The following SLC5A2 variants were observed in gnomAD, a reference collection of about 807,000 sequenced individuals.
SLC5A2 encodes the protein solute carrier family 5 member 2.
In SLC5A2, 67 loss-of-function variants were observed where a neutral mutation model predicts 69.0. That is an observed-to-expected ratio of 0.97 (90% CI 0.80 to 1.19). The LOEUF is 1.19. Among genes scored for constraint, SLC5A2 ranks in the 50% most tolerant of loss-of-function variants. SLC5A2 has a pLI of 0.00. For synonymous variants in SLC5A2, 455 were observed against 395.8 expected (o/e 1.15, Z -1.78); for missense variants, 1,001 against 921.5 (o/e 1.09, Z -1.12).
At position 31,490,576 on chromosome 16, in the gene SLC5A2, A is replaced by C; in HGVS notation, c.*41A>C. The C allele has an allele frequency of 6.6e-7, 1 of 1,512,104 alleles. No individual in the cohort carries two copies. Among genetic ancestry groups the C allele is most frequent in the Non-Finnish European group, 9.1e-7 (1 of 1,098,860 alleles). The allele number at this position is 1,512,104 out of a possible 1,614,324, so 93.7% of individuals were successfully genotyped here. A position where few individuals can be genotyped will look rare whatever the true frequency, so the allele number is the denominator to read the frequency against. Reference sequence around the variant, plus strand: ...ACACCATAAGCCACAGCCTCACAGGAAGTGGGGGTGAGGAGCCTGCGGTGC... The same window carrying C: ...ACACCATAAGCCACAGCCTCACAGGCAGTGGGGGTGAGGAGCCTGCGGTGC... On this transcript the variant is annotated 3_prime_UTR_variant, in exon 14 of 14. Coordinates refer to ENST00000330498, the MANE Select transcript of SLC5A2 (RefSeq NM_003041.4).
rs768922655 is a variant in SLC5A2, at chr16:31,483,140, G to A, written c.4G>A (p.Glu2Lys). The A allele has an allele frequency of 6.2e-6, 10 of 1,614,016 alleles. No individual in the cohort carries two copies. The African/African-American group carries it at 1.2e-4, about 19-fold the overall frequency. ...GATGGGGCAGATCCTGGGGAGAATG[G>A]AGGAGCACACAGAGGCAGGCTCGGC... M[E>K]EHTEAGSAPE... is the part of the protein sequence containing the mutation. The change falls in exon 1 of 14, where the codon GAG becomes AAG. Residue 2 changes from glutamate to lysine, a missense_variant. Transcript: ENST00000330498.
At chr16:31,485,213 C>A in intron 3 of SLC5A2, 1 of 554,108 alleles carries the variant, frequency 1.8e-6, no homozygotes, top group Non-Finnish European at 3.2e-6. Context: ...AGCCTCAAAG[C>A]CAGGGAAGCA....
chr16:31,485,205 C>T, intron 3 of SLC5A2: 1 of 563,044 alleles, frequency 1.8e-6, no homozygotes. Context: ...GGGTGAGCAG[C>T]CTCAAAGCCA....
At position 31,488,491 on chromosome 16, in the gene SLC5A2, G is replaced by T; in HGVS notation, c.1129+1G>T. 6.2e-7 allele frequency: 1 copy of T among 1,607,000 alleles called. No homozygotes were observed. The highest frequency in any genetic ancestry group is 8.5e-7 in the Non-Finnish European group (1 of 1,178,024). The stretch of plus-strand genomic sequence containing the variant: ...CTCGTCGTGAAGCTCATGCCCAACG[G>T]TAAGGGCAGCCCCGGGCCACAGGCG... On this transcript the variant is annotated splice_donor_variant, in intron 9 of 13. Coordinates refer to ENST00000330498, the MANE Select transcript of SLC5A2 (RefSeq NM_003041.4). LOFTEE classifies it high-confidence loss of function.
rs2082486592 is a variant in SLC5A2 at position 31,485,302 on chromosome 16, A to G, written c.303+379A>G. ...AAAGCCCTTTGCAGAAGAGAGGAGC[A>G]GAGACAAAGCTCTGGGACTGAGGCT... On this transcript the variant is annotated intron_variant, in intron 3 of 13. Coordinates refer to ENST00000330498, the MANE Select transcript of SLC5A2 (RefSeq NM_003041.4). The G allele has an allele frequency of 6.7e-6, 3 of 448,358 alleles. No homozygotes were observed. The Admixed American group carries it at 1.0e-4, about 16-fold the overall frequency. 27.8% of individuals were successfully genotyped at this position (448,358 alleles called of 1,614,324 possible).
rs2082490708 is a variant in SLC5A2, at chr16:31,485,828, G to A, written c.403G>A (p.Gly135Ser). 9.9e-6 allele frequency: 16 copies of A among 1,613,160 alleles called. No homozygotes were observed. Among genetic ancestry groups the A allele is most frequent in the East Asian group, 2.2e-5 (1 of 44,868 alleles). Reference protein sequence around the residue: ...MPQYLRKRFGGRRIRLYLSVL... With the variant: ...MPQYLRKRFGSRRIRLYLSVL... ...ACAGTACCTGCGCAAGCGCTTCGGC[G>A]GCCGCCGCATCCGCCTCTACCTGTC... Residue 135 changes from glycine (G) to serine (S), a missense_variant, in exon 4 of 14, where the codon GGC becomes AGC. Gly to Ser is a moderately conservative substitution (Grantham distance 56, BLOSUM62 0). Coordinates refer to ENST00000330498, the MANE Select transcript of SLC5A2 (RefSeq NM_003041.4).
chr16:31,487,288 C>T lies in SLC5A2; in HGVS notation c.575-32C>T, dbSNP rs752809109. 5.0e-6 allele frequency: 8 copies of T among 1,608,518 alleles called. 1 individual carries two copies. In the African/African-American group the frequency reaches 8.0e-5, roughly 16 times the overall value. On this transcript the variant is annotated intron_variant, in intron 5 of 13. Transcript: ENST00000330498. ...TAAGGCCAGCCTGTAACATAAACAG[C>T]TGGGCTGTCCCCTGACCCCGGCCTG...
intron 13 of SLC5A2, 39 bp from the exon 14 acceptor site, chr16:31,490,270 G>A: frequency 6.2e-7 from 1 of 1,613,936 alleles, no homozygotes; most frequent in Non-Finnish European, 8.5e-7. Context: ...GAGGAGCTGA[G>A]TTCCCGCAAA....
chr16:31,490,618 A>C lies in SLC5A2; in HGVS notation c.*83A>C, dbSNP rs1000598313. The C allele has an allele frequency of 3.9e-6, 5 of 1,266,770 alleles. No individual in the cohort carries two copies. Among genetic ancestry groups the C allele is most frequent in the East Asian group, 4.9e-5 (2 of 40,582 alleles). The allele number at this position is 1,266,770 out of a possible 1,614,324, so 78.5% of individuals were successfully genotyped here. ...CTGCGGTGCTCCCCAGAAAAGGGGA[A>C]GGGGCAGTGGGGTGAGAAGGTCCTG... is the stretch of plus-strand genomic sequence containing the variant. On this transcript the variant is annotated 3_prime_UTR_variant, in exon 14 of 14. Transcript: ENST00000330498.
intron 1 of SLC5A2, 35 bp downstream of exon 1, chr16:31,483,297 T>C: frequency 6.3e-7 from 1 of 1,579,532 alleles, no homozygotes; most frequent in Non-Finnish European, 8.6e-7. Context: ...TGGTGGCTGC[T>C]GGCTTTGGGG....
intron 3 of SLC5A2, 22 bp from the exon 4 acceptor site, chr16:31,485,707 G>A (rs777163843): frequency 6.2e-7 from 1 of 1,611,206 alleles, no homozygotes; most frequent in Non-Finnish European, 8.5e-7. Context: ...GCCACCCTCA[G>A]CGGCAGTACT....
Position 31,489,346 on chromosome 16 carries a change from G to T in SLC5A2, c.1665+8G>T. 1 of 1,605,256 alleles carries T rather than the reference G, an allele frequency of 6.2e-7. No individual in the cohort carries two copies. ...CCCATCCCCAGAAAGCACGTGAGTG[G>T]CCAGGTGCCCCAGGCAAGCACTGTG... On this transcript the variant is annotated splice_region_variant and intron_variant, in intron 12 of 13. Transcript: ENST00000330498.
intron 10 of SLC5A2, 54 bp downstream of exon 10, chr16:31,488,826 C>T (rs2082526507): frequency 1.2e-6 from 2 of 1,600,594 alleles, no homozygotes; most frequent in East Asian, 2.2e-5. Flanking sequence ...CGGGGGCTTG[C>T]GCACCTGCAG....
At chr16:31,488,321 C>T in intron 8 of SLC5A2, 62 bp from the exon 9 acceptor site, 4 of 1,596,916 alleles carry the variant, frequency 2.5e-6, no homozygotes, top group Admixed American at 1.7e-5. Flanking sequence ...TTCCCAGTCC[C>T]CACCTCCTGG....
In SLC5A2 at chr16:31,490,090, C is replaced by CCCA; in HGVS notation, c.1666-11_1666-9dup. The CCCA allele has an allele frequency of 6.2e-7, 1 of 1,613,182 alleles. No homozygotes were observed. The highest frequency in any genetic ancestry group is 8.5e-7 in the Non-Finnish European group (1 of 1,179,980). ...ACAGAACTCCCACCTCGTTCGTGCT[C>CCCA]CCACCCTCCCCAGCTCCACCGCCTG... On this transcript the variant is annotated splice_polypyrimidine_tract_variant and intron_variant, in intron 12 of 13. Transcript: ENST00000330498.
In SLC5A2 at chr16:31,487,345, G is replaced by C. The variant is rs763521005; in HGVS notation, c.600G>C (p.Thr200=). 3.7e-6 allele frequency: 6 copies of C among 1,613,844 alleles called. No homozygotes were observed. Among genetic ancestry groups the C allele is most frequent in the Non-Finnish European group, 4.2e-6 (5 of 1,180,024 alleles). ...VTGGLAALMY[T]DTVQTFVILG... ...GAGGGCTGGCCGCGCTGATGTACAC[G>C]GACACGGTACAGACCTTCGTCATTC... is the stretch of plus-strand genomic sequence containing the variant. The change falls in exon 6 of 14, where the codon ACG becomes ACC. Residue 200 remains threonine (T), a synonymous_variant. Transcript: ENST00000330498.
At chr16:31,484,548 A>C in intron 1 of SLC5A2, 125 bp from the exon 2 acceptor site, 1 of 1,098,606 alleles carries the variant, frequency 9.1e-7, no homozygotes, top group South Asian at 1.2e-5. Context: ...GTGGGAGTGC[A>C]AACGATCAGG....
intron 7 of SLC5A2, 131 bp downstream of exon 7, chr16:31,487,890 C>A: frequency 7.1e-7 from 1 of 1,417,790 alleles, no homozygotes. Context: ...CGGGTTGGTG[C>A]TAAACCAGAC....
intron 1 of SLC5A2, 125 bp downstream of exon 1, chr16:31,483,387 G>T: frequency 7.8e-7 from 1 of 1,282,406 alleles, no homozygotes; most frequent in South Asian, 1.2e-5. Context: ...AGGCCTGGGG[G>T]CAAGCAGGTC....
Sources: gnomAD v4.1 joint callset for allele counts on GRCh38, gnomAD v4.1.1 for gene constraint, MANE v1.5 for transcripts, NCBI Gene and HGNC (gene_info 2026-07-23, HGNC 2026-07-21) for gene names.